Variants in ITGA9 observed in about 807,000 individuals in gnomAD.
ITGA9 encodes the protein integrin subunit alpha 9.
Under a neutral mutation model 127.8 loss-of-function variants are expected in ITGA9, and 56 were observed. The ratio of observed to expected loss-of-function variants is 0.44; its 90% CI spans 0.35 to 0.55. The LOEUF (loss-of-function observed/expected upper bound fraction) is 0.55, where lower values mean the gene tolerates loss of function less well. Ranked by LOEUF, ITGA9 falls within the 20% of genes least tolerant of loss-of-function variation. ITGA9 has a pLI of 0.00. For synonymous variants in ITGA9, 508 were observed against 514.5 expected (o/e 0.99, Z 0.17); for missense variants, 1,196 against 1,347.1 (o/e 0.89, Z 1.76).
rs145384464 is a variant in ITGA9 at position 37,748,520 on chromosome 3, G to C, written c.2434-1942G>C. 7.5e-3 allele frequency: 3,727 copies of C among 494,660 alleles called. 105 individuals carry two copies. Among genetic ancestry groups the C allele is most frequent in the African/African-American group, 0.065 (3,337 of 51,116 alleles). The allele number at this position is 494,660 out of a possible 1,614,324, so 30.6% of individuals were successfully genotyped here. A position where few individuals can be genotyped will look rare whatever the true frequency, so the allele number is the denominator to read the frequency against. The stretch of plus-strand genomic sequence containing the variant: ...CCTAACACTTTGGGAGGCCGAGGCA[G>C]GCGGATCACCTGAGGTCAGGAGTTT... On this transcript the variant is annotated intron_variant, in intron 22 of 27. Coordinates refer to ENST00000264741, the MANE Select transcript of ITGA9 (RefSeq NM_002207.3).
Position 37,736,916 on chromosome 3 carries a change from G to C in ITGA9, c.2167G>C (p.Val723Leu), listed in dbSNP as rs142025172. 6.2e-7 allele frequency: 1 copy of C among 1,612,418 alleles called. No individual in the cohort carries two copies. The highest frequency in any genetic ancestry group is 8.5e-7 in the Non-Finnish European group (1 of 1,178,398). ...MRSKSKYEFS[V>L]IFDTSHLSGE... ...CCTTTTTCACTAGTATGAATTCAGC[G>C]TGATCTTTGATACAAGCCACCTGTC... Residue 723 changes from valine (V) to leucine (L), a missense_variant, in exon 20 of 28, where the codon GTG becomes CTG. By Grantham distance (32) the Val-to-Leu change is conservative. Coordinates refer to ENST00000264741, the MANE Select transcript of ITGA9 (RefSeq NM_002207.3).
At chr3:37,725,437 G>A (rs934419332) in intron 18 of ITGA9, among the ~76,000 whole-genome samples, 2 of 152,180 alleles carry the variant, frequency 1.3e-5, no homozygotes, top group East Asian at 1.9e-4. Context: ...CCACACCTGT[G>A]TGTATTCAAA....
intron 4 of ITGA9, among the ~76,000 whole-genome samples, chr3:37,491,169 G>C (rs1698669353): frequency 6.6e-6 from 1 of 151,968 alleles, no homozygotes; most frequent in African/African-American, 2.4e-5. Context: ...AGAGATGGGG[G>C]TCTCACTTTG....
intron 15 of ITGA9, among the ~76,000 whole-genome samples, chr3:37,626,642 C>G (rs1575172359): frequency 1.3e-5 from 2 of 152,246 alleles, no homozygotes; most frequent in Admixed American, 1.3e-4. Flanking sequence ...TATGATTGTC[C>G]CACTTCTGGG....
chr3:37,542,993 C>T (rs751106213), intron 15 of ITGA9, among the ~76,000 whole-genome samples: 1 of 152,144 alleles, frequency 6.6e-6, no homozygotes, highest in Non-Finnish European at 1.5e-5. Context: ...CAAATTAGCT[C>T]ATGGTCACAG....
intron 18 of ITGA9, among the ~76,000 whole-genome samples, chr3:37,690,230 G>A (rs1016094824): frequency 9.2e-5 from 14 of 152,178 alleles, no homozygotes; most frequent in African/African-American, 3.4e-4. Flanking sequence ...AGGGATGAGA[G>A]GGTAGAAGAG....
intron 18 of ITGA9, among the ~76,000 whole-genome samples, chr3:37,710,710 C>T (rs1262817506): frequency 6.6e-6 from 1 of 152,128 alleles, no homozygotes; most frequent in Non-Finnish European, 1.5e-5. Flanking sequence ...AGGCAGAAAC[C>T]GGGACTGCCC....
intron 1 of ITGA9, among the ~76,000 whole-genome samples, chr3:37,456,767 T>C (rs551068334): frequency 9.8e-5 from 15 of 152,358 alleles, no homozygotes; most frequent in African/African-American, 3.6e-4. Flanking sequence ...GGAGAACATA[T>C]CCTTGATTTG....
At chr3:37,570,960 A>G (rs1699594087) in intron 15 of ITGA9, among the ~76,000 whole-genome samples, 1 of 152,250 alleles carries the variant, frequency 6.6e-6, no homozygotes, top group African/African-American at 2.4e-5. Flanking sequence ...TAAGCCTGCC[A>G]TTCTCCAATT....
At chr3:37,800,313 G>C (rs1325919575) in intron 26 of ITGA9, among the ~76,000 whole-genome samples, 1 of 152,202 alleles carries the variant, frequency 6.6e-6, no homozygotes, top group African/African-American at 2.4e-5. Flanking sequence ...TCAACAATAA[G>C]GTTTAGCAGA....
chr3:37,526,859 G>T (rs1262066653), intron 13 of ITGA9, among the ~76,000 whole-genome samples: 1 of 152,212 alleles, frequency 6.6e-6, no homozygotes, highest in Non-Finnish European at 1.5e-5. Context: ...CTTATTCAGC[G>T]GTACCTTCTG....
intron 18 of ITGA9, 95 bp downstream of exon 18, chr3:37,684,110 A>T: frequency 9.4e-7 from 1 of 1,068,090 alleles, no homozygotes; most frequent in Non-Finnish European, 1.5e-6. Flanking sequence ...TTCTACAAGC[A>T]CTAATCCTTT....
rs143927200 is a variant in ITGA9, at chr3:37,757,296, G to A, written c.2541+6727G>A. 3.8e-4 allele frequency among the ~76,000 whole-genome samples: 57 copies of A among 151,906 alleles called. 1 individual carries two copies. In the East Asian group the frequency reaches 9.2e-3, roughly 25 times the overall value. On this transcript the variant is annotated intron_variant, in intron 23 of 27. Transcript: ENST00000264741. ...GCTTCAACAAGAAATAAAGAAGAGC[G>A]ATGATGCCAAAAAACAACACTAGAA...
At chr3:37,537,800 C>T (rs1360086109) in intron 14 of ITGA9, among the ~76,000 whole-genome samples, 3 of 152,218 alleles carry the variant, frequency 2.0e-5, no homozygotes, top group Non-Finnish European at 2.9e-5. Context: ...CTTCTCACTC[C>T]GACTGTGGGC....
chr3:37,468,487 C>T (rs551615215), intron 1 of ITGA9, among the ~76,000 whole-genome samples: 3 of 152,244 alleles, frequency 2.0e-5, no homozygotes, highest in Admixed American at 6.5e-5. Flanking sequence ...GTGATATCTG[C>T]CAGCCTTTGC....
chr3:37,586,582 C>T (rs1699761328), intron 15 of ITGA9, among the ~76,000 whole-genome samples: 1 of 152,242 alleles, frequency 6.6e-6, no homozygotes, highest in Non-Finnish European at 1.5e-5. Context: ...TATAATTACT[C>T]TGATACCAGA....
At chr3:37,663,582 A>T (rs1700558521) in intron 17 of ITGA9, among the ~76,000 whole-genome samples, 1 of 152,210 alleles carries the variant, frequency 6.6e-6, no homozygotes, top group African/African-American at 2.4e-5. Context: ...GGATCCCCAA[A>T]CCCAGAGAGC....
intron 18 of ITGA9, among the ~76,000 whole-genome samples, chr3:37,702,781 CAG>C (rs1161071986): frequency 6.6e-6 from 1 of 152,048 alleles, no homozygotes; most frequent in African/African-American, 2.4e-5. Context: ...TGTGTAATCT[CAG>C]GGTGCCTCCT....
intron 18 of ITGA9, among the ~76,000 whole-genome samples, chr3:37,718,141 A>G (rs1701153858): frequency 1.3e-5 from 2 of 152,264 alleles, no homozygotes; most frequent in African/African-American, 4.8e-5. Context: ...CACTGAGGCT[A>G]CTCAGTAATT....
Sources: allele counts gnomAD v4.1 joint callset (sites outside exome capture counted in the v4.1 genomes callset), GRCh38; gene constraint gnomAD v4.1.1; transcripts MANE v1.5; gene names NCBI Gene and HGNC (gene_info 2026-07-23, HGNC 2026-07-21).